Variants in WSCD2 observed in about 807,000 individuals in gnomAD.
WSCD2 encodes the protein sialate:O-sulfotransferase 2.
In WSCD2, 28 loss-of-function variants were observed where a neutral mutation model predicts 55.7. The ratio of observed to expected loss-of-function variants is 0.50; its 90% confidence interval spans 0.37 to 0.69. The LOEUF is 0.69. WSCD2 is among the 30% of genes least tolerant of loss of function. WSCD2 has a pLI of 0.00. For synonymous variants in WSCD2, 301 were observed against 301.9 expected, an observed-to-expected ratio of 1.00 and a Z score of 0.03; for missense variants, 616 against 762.1, an observed-to-expected ratio of 0.81 and a Z score of 2.26.
intron 1 of WSCD2, among the ~76,000 whole-genome samples, chr12:108,169,649 A>G (rs955867859): frequency 6.6e-6 from 1 of 152,146 alleles, no homozygotes; most frequent in African/African-American, 2.4e-5. Flanking sequence ...AAACATCTGC[A>G]TAAAAGTCCA....
At chr12:108,186,463 A>G (rs1358079343) in intron 1 of WSCD2, among the ~76,000 whole-genome samples, 1 of 152,156 alleles carries the variant, frequency 6.6e-6, no homozygotes, top group Non-Finnish European at 1.5e-5. Context: ...CCATTATAGT[A>G]TCATACGGAG....
intron 6 of WSCD2, among the ~76,000 whole-genome samples, chr12:108,229,228 C>T (rs1888478570): frequency 6.6e-6 from 1 of 152,208 alleles, no homozygotes; most frequent in African/African-American, 2.4e-5. Flanking sequence ...GTGCTAAGCC[C>T]TGATGCCCCT....
intron 1 of WSCD2, chr12:108,131,981 A>C (rs1234118006): frequency 6.6e-6 from 1 of 152,346 alleles, no homozygotes; most frequent in South Asian, 2.1e-4. Flanking sequence ...TGGGCAGACA[A>C]GGCTACTGTT....
intron 4 of WSCD2, among the ~76,000 whole-genome samples, chr12:108,222,019 G>A (rs1267328235): frequency 6.6e-6 from 1 of 152,186 alleles, no homozygotes; most frequent in Non-Finnish European, 1.5e-5. Context: ...TCACTGCAAT[G>A]AGCAACTTCA....
At chr12:108,170,060 G>C (rs901299891) in intron 1 of WSCD2, among the ~76,000 whole-genome samples, 5 of 152,298 alleles carry the variant, frequency 3.3e-5, no homozygotes, top group African/African-American at 1.2e-4. Flanking sequence ...CAGGTAGCTT[G>C]CTTTTCTCTC....
At chr12:108,139,609 C>T (rs1876574440) in intron 1 of WSCD2, among the ~76,000 whole-genome samples, 1 of 152,194 alleles carries the variant, frequency 6.6e-6, no homozygotes, top group East Asian at 1.9e-4. Context: ...TGTCTTAACC[C>T]CTGTGCCTCA....
chr12:108,159,098 T>G (rs1319037594), intron 1 of WSCD2, among the ~76,000 whole-genome samples: 1 of 152,212 alleles, frequency 6.6e-6, no homozygotes, highest in African/African-American at 2.4e-5. Flanking sequence ...GCCTCTTCTG[T>G]GTCTCTGAAA....
intron 1 of WSCD2, among the ~76,000 whole-genome samples, chr12:108,174,527 C>T (rs946521498): frequency 6.6e-6 from 1 of 152,190 alleles, no homozygotes; most frequent in African/African-American, 2.4e-5. Context: ...CAGTGTCCTC[C>T]AAACCAAGAA....
chr12:108,216,252 C>A (rs1043549135), intron 4 of WSCD2, among the ~76,000 whole-genome samples: 2 of 152,110 alleles, frequency 1.3e-5, no homozygotes, highest in African/African-American at 4.8e-5. Flanking sequence ...TCTCTGCCTA[C>A]AAAATAGGAT....
chr12:108,169,417 T>C (rs1375688830), intron 1 of WSCD2, among the ~76,000 whole-genome samples: 1 of 152,028 alleles, frequency 6.6e-6, no homozygotes, highest in Non-Finnish European at 1.5e-5. Context: ...TTCTAGGGTA[T>C]TCCCCTAGCT....
At chr12:108,148,314 A>G (rs948297950) in intron 1 of WSCD2, among the ~76,000 whole-genome samples, 1 of 152,216 alleles carries the variant, frequency 6.6e-6, no homozygotes, top group African/African-American at 2.4e-5. Context: ...CGCTGCACAC[A>G]AAGCCTGGGA....
intron 8 of WSCD2, among the ~76,000 whole-genome samples, chr12:108,245,515 G>A (rs996897458): frequency 6.6e-6 from 1 of 152,206 alleles, no homozygotes; most frequent in African/African-American, 2.4e-5. Context: ...CTACCTGAGA[G>A]ACTCCTTCCT....
rs549735707 is a variant in WSCD2 at position 108,242,520 on chromosome 12, G to A, written c.1345+1976G>A. On this transcript the variant is annotated intron_variant, in intron 8 of 8. Transcript: ENST00000547525. ...ACCTCGGTGGGCCTCTGTGCTGGCT[G>A]CTCCTTACGGTCCCTAGAGGAGAGT... is the stretch of plus-strand genomic sequence containing the variant. Among the ~76,000 whole-genome samples, 9 of 152,216 alleles carry A rather than the reference G, an allele frequency of 5.9e-5. No homozygotes were observed. The South Asian group carries it at 1.7e-3, about 28-fold the overall frequency.
chr12:108,209,123 G>C (rs924672235), intron 3 of WSCD2, among the ~76,000 whole-genome samples: 8 of 152,146 alleles, frequency 5.3e-5, no homozygotes, highest in Non-Finnish European at 1.2e-4. Context: ...TTACAGAGTG[G>C]GGTAGCCACT....
At chr12:108,230,769 T>C (rs77566840) in intron 6 of WSCD2, among the ~76,000 whole-genome samples, 2,831 of 152,316 alleles carry the variant, frequency 0.019, 97 homozygotes, top group African/African-American at 0.065. Context: ...GCCCGAGTAA[T>C]CACGTGAGGT....
chr12:108,201,699 G>T (rs923878905), intron 2 of WSCD2, among the ~76,000 whole-genome samples: 1 of 152,134 alleles, frequency 6.6e-6, no homozygotes, highest in African/African-American at 2.4e-5. Flanking sequence ...ACAGCATGAG[G>T]CCTCCTATTC....
At chr12:108,246,122 T>C (rs1890062732) in intron 8 of WSCD2, among the ~76,000 whole-genome samples, 1 of 152,250 alleles carries the variant, frequency 6.6e-6, no homozygotes, top group South Asian at 2.1e-4. Context: ...GCAGGCCTGA[T>C]CTGGACGGTC....
intron 4 of WSCD2, among the ~76,000 whole-genome samples, chr12:108,217,560 G>A (rs1258694493): frequency 1.3e-5 from 2 of 152,148 alleles, no homozygotes; most frequent in South Asian, 2.1e-4. Flanking sequence ...CCTGGGTGTC[G>A]AGCTAAACCC....
At chr12:108,153,711 G>A (rs1482404178) in intron 1 of WSCD2, among the ~76,000 whole-genome samples, 3 of 152,222 alleles carry the variant, frequency 2.0e-5, no homozygotes, top group Admixed American at 6.5e-5. Context: ...TGGCTGCACA[G>A]AGGGAGAGGT....
Sources: allele counts gnomAD v4.1 joint callset (sites outside exome capture counted in the v4.1 genomes callset), GRCh38; gene constraint gnomAD v4.1.1; transcripts MANE v1.5; gene names NCBI Gene and HGNC (gene_info 2026-07-23, HGNC 2026-07-21).